SYT1: variants seen among roughly 807,000 people sequenced by gnomAD.
SYT1 encodes the protein synaptotagmin 1, also known as synaptotagmin-1.
A neutral mutation model predicts 44.8 loss-of-function variants in SYT1; 8 were observed. The observed-to-expected ratio is 0.18, with a 90% CI of 0.10 to 0.32. SYT1 has a LOEUF of 0.32. SYT1 is among the 10% of genes least tolerant of loss of function. The pLI is 1.00. For synonymous variants in SYT1, 154 were observed against 188.8 expected, an observed-to-expected ratio of 0.82 and a Z score of 1.51; for missense variants, 286 against 509.3, an observed-to-expected ratio of 0.56 and a Z score of 4.22.
chr12:79,392,524 A>G (rs1488116930), intron 9 of SYT1: 3 of 152,322 alleles, frequency 2.0e-5, no homozygotes, highest in South Asian at 2.1e-4. Flanking sequence ...CACATATGGT[A>G]TATGATTTAC....
chr12:79,412,234 G>A (rs544196458), intron 9 of SYT1, among the ~76,000 whole-genome samples: 17 of 152,186 alleles, frequency 1.1e-4, no homozygotes, highest in Admixed American at 2.0e-4. Context: ...ACAGTGGCCC[G>A]CCAGTGCTTA....
intron 1 of SYT1, among the ~76,000 whole-genome samples, chr12:78,930,695 C>T: frequency 6.6e-6 from 1 of 151,448 alleles, no homozygotes; most frequent in Middle Eastern, 3.2e-3. Context: ...AAAACTTAAA[C>T]ATAACCAAGT....
At chr12:79,156,417 C>A (rs1385994661) in intron 3 of SYT1, among the ~76,000 whole-genome samples, 2 of 151,964 alleles carry the variant, frequency 1.3e-5, no homozygotes, top group Admixed American at 1.3e-4. Context: ...GTAGGCTGTT[C>A]AGTTAATTGT....
intron 3 of SYT1, among the ~76,000 whole-genome samples, chr12:79,158,531 C>T (rs1870746083): frequency 6.6e-6 from 1 of 152,036 alleles, no homozygotes; most frequent in Non-Finnish European, 1.5e-5. Flanking sequence ...GTTTGGGGAC[C>T]CCTGCTATAA....
intron 9 of SYT1, among the ~76,000 whole-genome samples, chr12:79,369,021 G>A (rs1883676919): frequency 1.3e-5 from 2 of 152,152 alleles, no homozygotes; most frequent in African/African-American, 4.8e-5. Context: ...ATAACACTTT[G>A]ATTTGTCATT....
chr12:78,867,256 C>T (rs114004744), intron 1 of SYT1, among the ~76,000 whole-genome samples: 6,262 of 152,090 alleles, frequency 0.041, 359 homozygotes, highest in African/African-American at 0.13. Flanking sequence ...ATTTTGTTTT[C>T]TCATTTCTCC....
chr12:79,289,234 C>T (rs534546808), intron 5 of SYT1, among the ~76,000 whole-genome samples: 2 of 152,314 alleles, frequency 1.3e-5, no homozygotes, highest in South Asian at 4.1e-4. Context: ...AAGATAAGGT[C>T]TGATGTTCCC....
At chr12:79,017,889 A>G (rs543249147) in intron 2 of SYT1, among the ~76,000 whole-genome samples, 1 of 152,230 alleles carries the variant, frequency 6.6e-6, no homozygotes, top group South Asian at 2.1e-4. Context: ...GGTCCAGGCC[A>G]AAGGTGAAGA....
At chr12:78,946,479 A>G (rs1408121221) in intron 1 of SYT1, among the ~76,000 whole-genome samples, 1 of 152,058 alleles carries the variant, frequency 6.6e-6, no homozygotes, top group African/African-American at 2.4e-5. Flanking sequence ...ACAAGGCAAA[A>G]CTGCATCTTT....
chr12:79,201,739 A>G (rs534908204), intron 3 of SYT1, among the ~76,000 whole-genome samples: 8 of 152,324 alleles, frequency 5.3e-5, no homozygotes, highest in Admixed American at 3.9e-4. Context: ...AAAGGTGCAG[A>G]TCTTCCATAT....
chr12:79,022,968 T>A (rs1872294683), intron 2 of SYT1, among the ~76,000 whole-genome samples: 1 of 151,854 alleles, frequency 6.6e-6, no homozygotes, highest in Non-Finnish European at 1.5e-5. Flanking sequence ...ATGCCGGTTT[T>A]TTATTTAACT....
At chr12:79,376,691 A>G (rs952282897) in intron 9 of SYT1, among the ~76,000 whole-genome samples, 2 of 152,156 alleles carry the variant, frequency 1.3e-5, no homozygotes, top group African/African-American at 2.4e-5. Context: ...TCTGACATAA[A>G]TGGGCAATTT....
At chr12:79,414,569 G>T (rs1868619488) in intron 9 of SYT1, among the ~76,000 whole-genome samples, 1 of 152,142 alleles carries the variant, frequency 6.6e-6, no homozygotes, top group Non-Finnish European at 1.5e-5. Flanking sequence ...TCTTGCTAGA[G>T]AAGTAAAACC....
At chr12:79,032,375 C>T (rs762689299) in intron 2 of SYT1, among the ~76,000 whole-genome samples, 6 of 151,038 alleles carry the variant, frequency 4.0e-5, no homozygotes, top group Non-Finnish European at 3.0e-5. Flanking sequence ...AGGCAGGGAC[C>T]TTATCTTGTA....
intron 1 of SYT1, among the ~76,000 whole-genome samples, chr12:78,970,560 G>A (rs1257121170): frequency 2.0e-5 from 3 of 152,156 alleles, no homozygotes; most frequent in Admixed American, 1.3e-4. Flanking sequence ...GTCTTGAAGC[G>A]TGATAGCCAG....
intron 2 of SYT1, among the ~76,000 whole-genome samples, chr12:79,024,408 C>T (rs1872392937): frequency 6.6e-6 from 1 of 151,742 alleles, no homozygotes; most frequent in African/African-American, 2.4e-5. Context: ...AGCTGCTGTA[C>T]TCTTATCCAA....
In SYT1 at chr12:79,287,261, G is replaced by A. The variant is rs1044120502; in HGVS notation, c.351+1290G>A. On this transcript the variant is annotated intron_variant, in intron 5 of 10. Coordinates refer to ENST00000261205, the MANE Select transcript of SYT1 (RefSeq NM_005639.3). ...ACTCAGAGAGTTTTGGCCTGAGCTC[G>A]GAGTAGCAAGGGTTTGATTTTTCTG... 9.2e-5 allele frequency among the ~76,000 whole-genome samples: 14 copies of A among 152,074 alleles called. 1 individual carries two copies. The highest frequency in any genetic ancestry group is 1.2e-4 in the Non-Finnish European group (8 of 67,992).
intron 1 of SYT1, among the ~76,000 whole-genome samples, chr12:78,969,240 G>A (rs540629151): frequency 6.6e-6 from 1 of 152,158 alleles, no homozygotes; most frequent in East Asian, 1.9e-4. Context: ...TTTATATCAG[G>A]GTCTTGAATA....
chr12:79,312,769 ATTT>A lies in SYT1; in HGVS notation c.810+13234_810+13236del, dbSNP rs34469793. 8.1e-3 allele frequency among the ~76,000 whole-genome samples: 951 copies of A among 116,966 alleles called. 6 individuals are homozygous for A. The highest frequency in any genetic ancestry group is 0.029 in the African/African-American group (904 of 30,766). The allele number at this position is 116,966 out of a possible 152,430, so 76.7% of individuals were successfully genotyped here. A position where few individuals can be genotyped will look rare whatever the true frequency, so the allele number is the denominator to read the frequency against. The stretch of plus-strand genomic sequence containing the variant: ...TATTGTGTAATTCACAAGGGGCTGC[ATTT>A]TTTTTTTTTTTTTTTGATAAGGCTT... On this transcript the variant is annotated intron_variant, in intron 8 of 10. Transcript: ENST00000261205.
Sources: gnomAD v4.1 joint callset for allele counts (sites outside exome capture counted in the v4.1 genomes callset) on GRCh38, gnomAD v4.1.1 for gene constraint, MANE v1.5 for transcripts, NCBI Gene and HGNC (gene_info 2026-07-23, HGNC 2026-07-21) for gene names.